BUB1: variants seen among roughly 807,000 people sequenced by gnomAD.
The protein encoded by BUB1 is mitotic checkpoint serine/threonine-protein kinase BUB1.
BUB1 carries 84 observed loss-of-function variants against 135.2 expected under a neutral mutation model. The ratio of observed to expected loss-of-function variants is 0.62; its 90% CI spans 0.52 to 0.74. The LOEUF (loss-of-function observed/expected upper bound fraction) is 0.74. Among genes scored for constraint, BUB1 ranks in the 30% least tolerant of loss-of-function variants. BUB1 has a pLI of 0.00. For missense variants in BUB1, 1,162 were observed against 1,288.3 expected (o/e 0.90, Z 1.50); for synonymous variants, 403 against 434.4 (o/e 0.93, Z 0.90).
At chr2:110,671,091 C>T (rs1690406902) in intron 4 of BUB1, among the ~76,000 whole-genome samples, 1 of 152,212 alleles carries the variant, frequency 6.6e-6, no homozygotes, top group Non-Finnish European at 1.5e-5. Flanking sequence ...CCATGCCTGA[C>T]ATTTCTGAGC....
At position 110,638,220 on chromosome 2, in the gene BUB1, C is replaced by A. The variant is rs116334746; in HGVS notation, c.3063-61G>T. 2.2e-3 allele frequency: 3,001 copies of A among 1,353,282 alleles called. 6 individuals carry two copies. The highest frequency in any genetic ancestry group is 2.8e-3 in the Non-Finnish European group (2,812 of 1,005,272). The allele number at this position is 1,353,282 out of a possible 1,614,324, so 83.8% of individuals were successfully genotyped here. On this transcript the variant is annotated intron_variant, in intron 24 of 24. Coordinates refer to ENST00000302759, the MANE Select transcript of BUB1 (RefSeq NM_004336.5). Reference sequence around the variant, plus strand: ...TAGCCTTCAATATGCAGGATAACCCCACCCCTGCATCTGACTTCCACAGGC... The same window carrying A: ...TAGCCTTCAATATGCAGGATAACCCAACCCCTGCATCTGACTTCCACAGGC...
intron 19 of BUB1, among the ~76,000 whole-genome samples, chr2:110,645,671 C>G (rs1359471690): frequency 3.9e-5 from 6 of 151,960 alleles, no homozygotes; most frequent in African/African-American, 7.3e-5. Flanking sequence ...AAGTGATCCT[C>G]CAGCCTCAGC....
At chr2:110,675,008 T>C (rs1474863115) in intron 1 of BUB1, 4 of 153,152 alleles carry the variant, frequency 2.6e-5, no homozygotes, top group Admixed American at 6.5e-5. Flanking sequence ...CAGCCCAGAG[T>C]ACCACAAAGT....
chr2:110,649,309 C>T lies in BUB1; in HGVS notation c.2272G>A (p.Val758Met). 2 of 1,610,710 alleles carry T rather than the reference C, an allele frequency of 1.2e-6. No individual in the cohort carries two copies. The highest frequency in any genetic ancestry group is 1.7e-6 in the Non-Finnish European group (2 of 1,178,504). ...FKLLSGLSKP[V>M]SSYPNTFEWQ... is the part of the protein sequence containing the mutation. ...TCAAAAGTATTTGGATAGGAACTCA[C>T]TGGTTTAGAAAGCCCAGATAAAAGT... Residue 758 changes from valine to methionine, a missense_variant, in exon 19 of 25, where the codon GTG becomes ATG. By Grantham distance (21) the Val-to-Met change is conservative. Coordinates refer to ENST00000302759, the MANE Select transcript of BUB1 (RefSeq NM_004336.5).
intron 18 of BUB1, among the ~76,000 whole-genome samples, chr2:110,649,736 C>T (rs969377353): frequency 6.6e-6 from 1 of 152,060 alleles, no homozygotes; most frequent in Admixed American, 6.5e-5. Flanking sequence ...TTCTAATGTG[C>T]GCAGATAGAC....
intron 14 of BUB1, 31 bp from the exon 15 acceptor site, chr2:110,657,148 T>C: frequency 6.5e-7 from 1 of 1,549,596 alleles, no homozygotes; most frequent in Non-Finnish European, 8.9e-7. Flanking sequence ...TTATAAATAG[T>C]AAAATATGCT....
chr2:110,661,970 A>C, intron 9 of BUB1, 129 bp from the exon 10 acceptor site: 8 of 1,104,538 alleles, frequency 7.2e-6, no homozygotes, highest in Non-Finnish European at 1.0e-5. Flanking sequence ...AAGTTTCCCC[A>C]TACTCCTTCT....
intron 10 of BUB1, among the ~76,000 whole-genome samples, chr2:110,660,538 GT>G (rs576407211): frequency 8.0e-5 from 12 of 149,174 alleles, no homozygotes; most frequent in African/African-American, 1.5e-4. Context: ...TAAATAAACT[GT>G]TTTTTTTTTC....
intron 14 of BUB1, 90 bp downstream of exon 14, chr2:110,657,456 G>T: frequency 2.2e-6 from 2 of 892,350 alleles, no homozygotes; most frequent in Non-Finnish European, 3.3e-6. Context: ...CCATGTGATT[G>T]GCAGTTCACA....
In BUB1 at chr2:110,641,024, A is replaced by C. The variant is rs1278205372; in HGVS notation, c.2955+10T>G. 9 of 1,543,294 alleles carry C rather than the reference A, an allele frequency of 5.8e-6. 1 individual carries two copies. The highest frequency in any genetic ancestry group is 7.8e-6 in the Non-Finnish European group (9 of 1,147,726). Reference sequence around the variant, plus strand: ...AAAATATTTCCAAGTCCCTCACTTTAGTTTTATACCTGGTAGTTCCATGGT... The same window carrying C: ...AAAATATTTCCAAGTCCCTCACTTTCGTTTTATACCTGGTAGTTCCATGGT... On this transcript the variant is annotated intron_variant, in intron 23 of 24. Transcript: ENST00000302759.
intron 14 of BUB1, 134 bp from the exon 15 acceptor site, chr2:110,657,251 T>C: frequency 1.5e-6 from 1 of 675,286 alleles, no homozygotes. Flanking sequence ...CTTGCTTTTA[T>C]AGCAGTTCTA....
chr2:110,649,256 C>T lies in BUB1; in HGVS notation c.2325G>A (p.Lys775=), dbSNP rs762576566. The change falls in exon 19 of 25, where the codon AAG becomes AAA. Residue 775 remains lysine, a synonymous_variant. Transcript: ENST00000302759. ...TACCCAATTGAAATTCAGTCTTGGG[C>T]TTGATGGCTGGAAGTTTACATTGCC... ...FEWQCKLPAI[K]PKTEFQLGSK... 8.7e-6 allele frequency: 14 copies of T among 1,610,984 alleles called. No individual in the cohort carries two copies. The highest frequency in any genetic ancestry group is 1.2e-5 in the Non-Finnish European group (14 of 1,178,892).
In BUB1 at chr2:110,641,795, C is replaced by T. The variant is rs1367356504; in HGVS notation, c.2472G>A (p.Lys824=). 6.2e-7 allele frequency: 1 copy of T among 1,602,346 alleles called. No homozygotes were observed. The highest frequency in any genetic ancestry group is 1.7e-5 in the Admixed American group (1 of 59,070). The part of the protein sequence containing the change: ...NKQKFVLKVQ[K]PANPWEFYIG... ...TGTAGAATTCCCAGGGGTTGGCAGG[C>T]TTTTGGACCTGCAAATCAGGTATGT... The change falls in exon 21 of 25, where the codon AAG becomes AAA. Residue 824 remains lysine (K), a synonymous_variant. Transcript: ENST00000302759.
At position 110,658,615 on chromosome 2, in the gene BUB1, T is replaced by G. The variant is rs199942846; in HGVS notation, c.1404A>C (p.Leu468Phe). The part of the protein sequence containing the change: ...PSPTVHTKEA[L>F]GFIMNMFQAP... ...ACACACTCAGATAAAATACTTTACC[T>G]AATGCTTCTTTTGTGTGCACGGTGG... Residue 468 changes from leucine to phenylalanine, a missense_variant and splice_region_variant, in exon 12 of 25, where the codon TTA (leucine) becomes TTC (phenylalanine). By Grantham distance (22) the Leu-to-Phe change is conservative (BLOSUM62 0). Coordinates refer to ENST00000302759, the MANE Select transcript of BUB1 (RefSeq NM_004336.5). 1.2e-5 allele frequency: 20 copies of G among 1,614,106 alleles called. No homozygotes were observed. The highest frequency in any genetic ancestry group is 1.1e-5 in the Non-Finnish European group (13 of 1,180,046).
intron 9 of BUB1, among the ~76,000 whole-genome samples, chr2:110,663,721 T>C (rs965770792): frequency 6.6e-5 from 10 of 152,136 alleles, no homozygotes; most frequent in Non-Finnish European, 1.0e-4. Context: ...AGGAACATTG[T>C]AAAATTCTGT....
chr2:110,658,468 G>C lies in BUB1; in HGVS notation c.1458C>G (p.Asp486Glu), dbSNP rs766797604. 1 of 1,613,958 alleles carries C rather than the reference G, an allele frequency of 6.2e-7. No individual in the cohort carries two copies. Among genetic ancestry groups the C allele is most frequent in the Non-Finnish European group, 8.5e-7 (1 of 1,179,966 alleles). The change falls in exon 13 of 25, where the codon GAC (aspartate) becomes GAG (glutamate). Residue 486 changes from aspartate (D) to glutamate (E), a missense_variant. Coordinates refer to ENST00000302759, the MANE Select transcript of BUB1 (RefSeq NM_004336.5). ...QAPTLPDISD[D>E]KDEWQSLDQN... ...GATCTAGAGATTGCCATTCATCTTTGTCATCAGAAATATCAGGAAGTGTAG... is the reference window on the plus strand; with the variant it reads ...GATCTAGAGATTGCCATTCATCTTTCTCATCAGAAATATCAGGAAGTGTAG...
At chr2:110,646,205 G>A (rs929624263) in intron 19 of BUB1, among the ~76,000 whole-genome samples, 1 of 150,424 alleles carries the variant, frequency 6.6e-6, no homozygotes, top group South Asian at 2.1e-4. Context: ...ATGTTGTGGT[G>A]CATGACTGTA....
At chr2:110,668,510 C>A (rs1162955940) in intron 6 of BUB1, among the ~76,000 whole-genome samples, 1 of 152,210 alleles carries the variant, frequency 6.6e-6, no homozygotes, top group African/African-American at 2.4e-5. Flanking sequence ...CCTGTACATA[C>A]ACCCTAAGCA....
At chr2:110,649,991 A>T (rs373729428) in intron 18 of BUB1, among the ~76,000 whole-genome samples, 2 of 152,178 alleles carry the variant, frequency 1.3e-5, no homozygotes, top group African/African-American at 4.8e-5. Context: ...TCAGTGCTTT[A>T]TTAATTTACT....
Sources: allele counts gnomAD v4.1 joint callset (sites outside exome capture counted in the v4.1 genomes callset), GRCh38; gene constraint gnomAD v4.1.1; transcripts MANE v1.5; gene names NCBI Gene and HGNC (gene_info 2026-07-23, HGNC 2026-07-21).